MME: variants seen among roughly 807,000 people sequenced by gnomAD.
The protein encoded by MME is membrane metalloendopeptidase.
A neutral mutation model predicts 113.2 loss-of-function variants in MME; 98 were observed. The ratio of observed to expected loss-of-function variants is 0.87; its 90% CI spans 0.74 to 1.02. MME has a LOEUF of 1.02. Among genes scored for constraint, MME ranks in the 50% least tolerant of loss-of-function variants. MME has a pLI of 0.00. For synonymous variants in MME, 292 were observed against 300.6 expected (o/e 0.97, Z 0.30); for missense variants, 836 against 896.0 (o/e 0.93, Z 0.86).
intron 1 of MME, among the ~76,000 whole-genome samples, chr3:155,063,194 T>C (rs1411951858): frequency 1.6e-5 from 2 of 127,416 alleles, no homozygotes; most frequent in Non-Finnish European, 3.1e-5. Context: ...TAATATATAT[T>C]ATTTATATAT....
intron 1 of MME, among the ~76,000 whole-genome samples, chr3:155,051,953 C>T (rs1240206793): frequency 6.6e-6 from 1 of 152,180 alleles, no homozygotes; most frequent in Non-Finnish European, 1.5e-5. Flanking sequence ...AATGATGGTT[C>T]AGGCATTGGA....
intron 1 of MME, among the ~76,000 whole-genome samples, chr3:155,051,956 G>T (rs1352595246): frequency 6.6e-6 from 1 of 152,154 alleles, no homozygotes; most frequent in African/African-American, 2.4e-5. Context: ...GATGGTTCAG[G>T]CATTGGATAA....
chr3:155,111,232 A>G lies in MME; in HGVS notation c.197-3762A>G, dbSNP rs191250079. ...GGATAAGGTGCAAAACGAGAATCAA[A>G]CCCACGATAAGAGATTAAAGGAAGG... On this transcript the variant is annotated intron_variant, in intron 3 of 22. Coordinates refer to ENST00000360490, the MANE Select transcript of MME (RefSeq NM_007289.4). Among the ~76,000 whole-genome samples, 270 of 152,338 alleles carry G rather than the reference A, an allele frequency of 1.8e-3. 1 individual carries two copies. The highest frequency in any genetic ancestry group is 6.3e-3 in the African/African-American group (262 of 41,560).
intron 17 of MME, among the ~76,000 whole-genome samples, chr3:155,164,632 CA>C (rs1341072209): frequency 6.6e-6 from 1 of 152,100 alleles, no homozygotes; most frequent in Non-Finnish European, 1.5e-5. Flanking sequence ...GTCTTGATAG[CA>C]CATTTCATAA....
At chr3:155,067,691 A>G (rs1714430811) in intron 1 of MME, among the ~76,000 whole-genome samples, 1 of 152,162 alleles carries the variant, frequency 6.6e-6, no homozygotes, top group African/African-American at 2.4e-5. Context: ...AAGACACTTA[A>G]CATCATTAGT....
intron 1 of MME, among the ~76,000 whole-genome samples, chr3:155,061,827 A>T (rs534798776): frequency 6.6e-6 from 1 of 152,018 alleles, no homozygotes; most frequent in East Asian, 2.0e-4. Flanking sequence ...CTCTCAGTTA[A>T]TTCTTGTATT....
chr3:155,067,192 A>G (rs1478740553), intron 1 of MME, among the ~76,000 whole-genome samples: 7 of 149,696 alleles, frequency 4.7e-5, no homozygotes, highest in Non-Finnish European at 1.0e-4. Flanking sequence ...GGGAGAAAAC[A>G]CAGGCAATTT....
intron 1 of MME, among the ~76,000 whole-genome samples, chr3:155,074,576 C>G (rs1330828571): frequency 1.3e-5 from 2 of 151,956 alleles, no homozygotes; most frequent in African/African-American, 4.8e-5. Context: ...GGATTACAAG[C>G]ACGTGCCACG....
chr3:155,115,220 C>T, intron 4 of MME, 65 bp downstream of exon 4: 1 of 1,565,748 alleles, frequency 6.4e-7, no homozygotes, highest in Non-Finnish European at 8.7e-7. Flanking sequence ...TTTAAATATA[C>T]AATTGTTAGC....
In MME at chr3:155,087,006, T is replaced by TG. The variant is rs1491259902; in HGVS notation, c.196+1912_196+1913insG. On this transcript the variant is annotated intron_variant, in intron 3 of 22. Transcript: ENST00000360490. ...TTTTTGTTTTTTTTGTTTTTTTTTG[T>TG]TTTTTTTTTTTGTAGAGACAGGGTC... 3.1e-3 allele frequency among the ~76,000 whole-genome samples: 246 copies of TG among 79,622 alleles called. 1 individual carries two copies. Among genetic ancestry groups the TG allele is most frequent in the African/African-American group, 9.6e-3 (154 of 16,106 alleles). 52.2% of individuals were successfully genotyped at this position (79,622 alleles called of 152,430 possible). A position where few individuals can be genotyped will look rare whatever the true frequency, so the allele number is the denominator to read the frequency against.
In MME at chr3:155,167,443, C is replaced by CTT. The variant is rs149438898; in HGVS notation, c.1780+431_1780+432dup. Reference sequence around the variant, plus strand: ...AAGACTCTTAAGCTGCTTAAGAGACCTTTTTTTTTTCGTCTTGTACCTACT... The same window carrying CTT: ...AAGACTCTTAAGCTGCTTAAGAGACCTTTTTTTTTTTTCGTCTTGTACCTACT... On this transcript the variant is annotated intron_variant, in intron 18 of 22. Coordinates refer to ENST00000360490, the MANE Select transcript of MME (RefSeq NM_007289.4). Among the ~76,000 whole-genome samples, 5 of 148,834 alleles carry CTT rather than the reference C, an allele frequency of 3.4e-5. No homozygotes were observed. The South Asian group carries it at 8.6e-4, about 26-fold the overall frequency.
intron 8 of MME, among the ~76,000 whole-genome samples, chr3:155,120,193 T>C (rs1363260839): frequency 8.4e-5 from 5 of 59,866 alleles, no homozygotes; most frequent in Admixed American, 4.4e-4. Context: ...TCATGTGTTT[T>C]TTGGCTGCAT....
At chr3:155,142,694 C>A (rs1423052822) in intron 12 of MME, among the ~76,000 whole-genome samples, 1 of 152,146 alleles carries the variant, frequency 6.6e-6, no homozygotes, top group Non-Finnish European at 1.5e-5. Flanking sequence ...GCACACTGGA[C>A]ATATACACAG....
chr3:155,125,129 T>TA (rs1396220590), intron 8 of MME, among the ~76,000 whole-genome samples: 1 of 18,580 alleles, frequency 5.4e-5, no homozygotes, highest in Non-Finnish European at 1.5e-4. Flanking sequence ...TGGTGCGCCG[T>TA]TTTTAAGCCG....
At chr3:155,031,651 T>C (rs11921762) in intron 1 of MME, among the ~76,000 whole-genome samples, 2,818 of 152,214 alleles carry the variant, frequency 0.019, 91 homozygotes, top group African/African-American at 0.065. Flanking sequence ...TTGCTTTTTG[T>C]TTGTTTTGTA....
chr3:155,160,708 T>C (rs1212744450), intron 17 of MME, among the ~76,000 whole-genome samples: 2 of 152,076 alleles, frequency 1.3e-5, no homozygotes, highest in Non-Finnish European at 2.9e-5. Context: ...TTTATCTTAT[T>C]TCTAAATATT....
At chr3:155,089,576 A>G (rs1048572010) in intron 3 of MME, among the ~76,000 whole-genome samples, 1 of 152,224 alleles carries the variant, frequency 6.6e-6, no homozygotes, top group African/African-American at 2.4e-5. Context: ...ACGGTCACTT[A>G]TGACTGGGTA....
intron 17 of MME, among the ~76,000 whole-genome samples, chr3:155,162,905 C>T (rs1287095281): frequency 1.3e-5 from 2 of 149,634 alleles, no homozygotes; most frequent in African/African-American, 2.5e-5. Flanking sequence ...CCCAGCTACT[C>T]GGAAGGCTGA....
chr3:155,133,082 T>C (rs1166207969), intron 8 of MME, among the ~76,000 whole-genome samples: 2 of 136,806 alleles, frequency 1.5e-5, no homozygotes, highest in Non-Finnish European at 3.1e-5. Flanking sequence ...TATATATATG[T>C]ATAAAGTTTC....
Sources: gnomAD v4.1 joint callset for allele counts (sites outside exome capture counted in the v4.1 genomes callset) on GRCh38, gnomAD v4.1.1 for gene constraint, MANE v1.5 for transcripts, NCBI Gene and HGNC (gene_info 2026-07-23, HGNC 2026-07-21) for gene names.